The following LRCH1 variants were observed in gnomAD, a reference collection of about 807,000 sequenced individuals.
LRCH1 encodes the protein leucine rich repeats and calponin homology domain containing 1.
In LRCH1, 23 loss-of-function variants were observed where a neutral mutation model predicts 94.9. The ratio of observed to expected loss-of-function variants is 0.24; its 90% CI spans 0.17 to 0.34. LRCH1 has a LOEUF of 0.34. LRCH1 is among the 10% of genes least tolerant of loss of function. The probability of loss-of-function intolerance (pLI) is 1.00; values close to 1 mark genes in which losing one functional copy is unlikely to be tolerated. For missense variants in LRCH1, 790 were observed against 945.9 expected (o/e 0.84, Z 2.16); for synonymous variants, 364 against 354.9 (o/e 1.03, Z -0.29).
In LRCH1 at chr13:46,667,794, G is replaced by T. The variant is rs548185679; in HGVS notation, c.453-1236G>T. On this transcript the variant is annotated intron_variant, in intron 2 of 19. Transcript: ENST00000389797. ...TTCTTTCCTGATGATAAAAGCACTT[G>T]TAGAAAGTTTGGAAAATACATCAAA... 2.6e-3 allele frequency among the ~76,000 whole-genome samples: 402 copies of T among 152,250 alleles called. 1 individual carries two copies. The highest frequency in any genetic ancestry group is 0.019 in the South Asian group (90 of 4,806).
intron 1 of LRCH1, among the ~76,000 whole-genome samples, chr13:46,596,804 C>T (rs1220420558): frequency 6.6e-6 from 1 of 152,134 alleles, no homozygotes; most frequent in Non-Finnish European, 1.5e-5. Context: ...AGGTCCATGG[C>T]AATCGATCAT....
At chr13:46,558,720 A>G (rs1199336637) in intron 1 of LRCH1, among the ~76,000 whole-genome samples, 15 of 151,852 alleles carry the variant, frequency 9.9e-5, no homozygotes, top group Admixed American at 9.9e-4. Flanking sequence ...GCGACAGAAC[A>G]AGACTCTGTC....
At chr13:46,553,988 C>G (rs2050033791) in intron 1 of LRCH1, among the ~76,000 whole-genome samples, 1 of 152,212 alleles carries the variant, frequency 6.6e-6, no homozygotes, top group Non-Finnish European at 1.5e-5. Context: ...CCTGTGGCTG[C>G]CGCGCCAGGG....
chr13:46,683,012 T>C (rs1870424807), intron 4 of LRCH1, among the ~76,000 whole-genome samples: 2 of 152,250 alleles, frequency 1.3e-5, no homozygotes, highest in African/African-American at 4.8e-5. Flanking sequence ...AAGCATACTC[T>C]GGTTTTCAGA....
chr13:46,716,462 TA>T (rs1343548545), intron 16 of LRCH1, among the ~76,000 whole-genome samples: 2 of 152,232 alleles, frequency 1.3e-5, no homozygotes, highest in Non-Finnish European at 2.9e-5. Flanking sequence ...TACTTCAGAA[TA>T]CAAAGTGATT....
chr13:46,725,816 T>C (rs559954807), intron 17 of LRCH1, among the ~76,000 whole-genome samples: 1 of 152,328 alleles, frequency 6.6e-6, no homozygotes, highest in East Asian at 1.9e-4. Context: ...TATCTGGATG[T>C]GATGTAAACT....
At chr13:46,687,039 G>A (rs982056069) in intron 5 of LRCH1, among the ~76,000 whole-genome samples, 12 of 132,372 alleles carry the variant, frequency 9.1e-5, no homozygotes, top group Non-Finnish European at 1.4e-4. Context: ...GCTTACTGCA[G>A]CCTCTGCCTC....
At chr13:46,699,465 G>A (rs1465986200) in intron 10 of LRCH1, 62 bp downstream of exon 10, 4 of 1,436,070 alleles carry the variant, frequency 2.8e-6, no homozygotes, top group African/African-American at 2.8e-5. Flanking sequence ...AAGCAGTCTG[G>A]CAGTTCTGTT....
At chr13:46,603,781 T>C (rs550847460) in intron 1 of LRCH1, among the ~76,000 whole-genome samples, 27 of 152,292 alleles carry the variant, frequency 1.8e-4, no homozygotes, top group African/African-American at 5.3e-4. Flanking sequence ...CTCAGCCTCC[T>C]GAGTAGCTGA....
chr13:46,744,937 C>T, downstream of LRCH1: 1 of 978,694 alleles, frequency 1.0e-6, no homozygotes, highest in Non-Finnish European at 1.2e-6. Flanking sequence ...TGGTCAGAGT[C>T]TAGTTGCCTG....
At chr13:46,658,251 G>A (rs116830947) in intron 2 of LRCH1, among the ~76,000 whole-genome samples, 125 of 152,250 alleles carry the variant, frequency 8.2e-4, no homozygotes, top group African/African-American at 2.8e-3. Context: ...ATGGAAGATG[G>A]TGTGTTTTAA....
At chr13:46,691,597 G>A (rs1870899220) in intron 7 of LRCH1, among the ~76,000 whole-genome samples, 1 of 152,256 alleles carries the variant, frequency 6.6e-6, no homozygotes, top group Non-Finnish European at 1.5e-5. Flanking sequence ...AGGGCCTCAG[G>A]GTTGAAGGTG....
At chr13:46,701,913 C>T (rs1436218379) in intron 11 of LRCH1, among the ~76,000 whole-genome samples, 1 of 152,208 alleles carries the variant, frequency 6.6e-6, no homozygotes, top group Non-Finnish European at 1.5e-5. Flanking sequence ...TCACACGCAG[C>T]AATCCTAGCT....
At chr13:46,566,545 G>A (rs1260619408) in intron 1 of LRCH1, among the ~76,000 whole-genome samples, 1 of 152,146 alleles carries the variant, frequency 6.6e-6, no homozygotes, top group Non-Finnish European at 1.5e-5. Context: ...GAGTATCATC[G>A]TTACTGAGAA....
chr13:46,635,456 T>TCCCCTC (rs922805655), intron 1 of LRCH1, among the ~76,000 whole-genome samples: 1 of 131,622 alleles, frequency 7.6e-6, no homozygotes, highest in Non-Finnish European at 1.6e-5. Context: ...AAAGATCCGG[T>TCCCCTC]CCCCTCCCAC....
chr13:46,744,684 T>C lies in LRCH1; in HGVS notation c.*2836T>C, dbSNP rs1873834210. ...CTGGGTTATCTCTCGAAAACTCATG[T>C]AGATGCCTGATTGAGTCATAAGGAC... On this transcript the variant is annotated 3_prime_UTR_variant, in exon 20 of 20. Coordinates refer to ENST00000389797, the MANE Select transcript of LRCH1 (RefSeq NM_001164211.2). 3 of 985,366 alleles carry C rather than the reference T, an allele frequency of 3.0e-6. No homozygotes were observed. The South Asian group carries it at 1.4e-4, about 46-fold the overall frequency. The allele number at this position is 985,366 out of a possible 1,614,324, so 61.0% of individuals were successfully genotyped here. A position where few individuals can be genotyped will look rare whatever the true frequency, so the allele number is the denominator to read the frequency against.
At position 46,733,943 on chromosome 13, in the gene LRCH1, G is replaced by A; in HGVS notation, c.2030G>A (p.Cys677Tyr). Residue 677 changes from cysteine (C) to tyrosine (Y), a missense_variant, in exon 19 of 20, where the codon TGC becomes TAC. Transcript: ENST00000389797. Reference protein sequence around the residue: ...PAVPKLSMAKCRRNVENFLEA... With the variant: ...PAVPKLSMAKYRRNVENFLEA... The stretch of plus-strand genomic sequence containing the variant: ...TAGCCCAAACTTAGCATGGCCAAAT[G>A]CAGAAGAAATGTGGAAAACTTTTTG... The A allele has an allele frequency of 6.2e-7, 1 of 1,604,072 alleles. No individual in the cohort carries two copies. Among genetic ancestry groups the A allele is most frequent in the Non-Finnish European group, 8.5e-7 (1 of 1,174,846 alleles).
chr13:46,653,350 T>C (rs2051331053), intron 2 of LRCH1, among the ~76,000 whole-genome samples: 1 of 152,148 alleles, frequency 6.6e-6, no homozygotes, highest in African/African-American at 2.4e-5. Context: ...ATGTGCTCTT[T>C]GAAGGAATTT....
chr13:46,693,564 G>C (rs1367246010), intron 8 of LRCH1, among the ~76,000 whole-genome samples: 2 of 152,162 alleles, frequency 1.3e-5, no homozygotes, highest in South Asian at 2.1e-4. Flanking sequence ...GGCCCAGTCA[G>C]GTGACCTTGA....
Sources: gnomAD v4.1 joint callset for allele counts (sites outside exome capture counted in the v4.1 genomes callset) on GRCh38, gnomAD v4.1.1 for gene constraint, MANE v1.5 for transcripts, NCBI Gene and HGNC (gene_info 2026-07-23, HGNC 2026-07-21) for gene names.